The following PRELID2 variants were observed in gnomAD, a reference collection of about 807,000 sequenced individuals.
PRELID2 encodes PRELI domain containing 2, also known as PRELI domain-containing protein 2.
Under a neutral mutation model 28.4 loss-of-function variants are expected in PRELID2, and 25 were observed. That is an observed-to-expected ratio of 0.88 (90% CI 0.64 to 1.23). The LOEUF is 1.23. Ranked by LOEUF, PRELID2 falls within the 50% of genes most tolerant of loss-of-function variation. The probability of loss-of-function intolerance (pLI) is 0.00; values close to 1 mark genes in which losing one functional copy is unlikely to be tolerated. For synonymous variants in PRELID2, 76 were observed against 71.6 expected, an observed-to-expected ratio of 1.06 and a Z score of -0.31; for missense variants, 201 against 214.4, an observed-to-expected ratio of 0.94 and a Z score of 0.39.
chr5:145,632,711 T>A (rs1753949359), intron 1 of PRELID2, among the ~76,000 whole-genome samples: 1 of 152,216 alleles, frequency 6.6e-6, no homozygotes, highest in African/African-American at 2.4e-5. Flanking sequence ...GCATCCTCTA[T>A]AATCATCTCC....
At chr5:145,825,813 T>G (rs1259497845) in intron 1 of PRELID2, among the ~76,000 whole-genome samples, 1 of 152,232 alleles carries the variant, frequency 6.6e-6, no homozygotes, top group African/African-American at 2.4e-5. Flanking sequence ...AAGGCACATA[T>G]TTCAACCTCT....
chr5:145,522,753 GA>G (rs1456765484), intron 1 of PRELID2, among the ~76,000 whole-genome samples: 2 of 126,102 alleles, frequency 1.6e-5, no homozygotes, highest in African/African-American at 5.4e-5. Flanking sequence ...ATCTTTGGAA[GA>G]AAAAGGAGGA....
chr5:145,247,226 T>C, the PRELID2 span, among the ~76,000 whole-genome samples: 1,873 of 152,172 alleles, frequency 0.012, 30 homozygotes, highest in African/African-American at 0.042. Context: ...ACGTGACCAA[T>C]CATCACTCCT....
At chr5:145,384,187 G>A in the PRELID2 span, among the ~76,000 whole-genome samples, 1 of 152,078 alleles carries the variant, frequency 6.6e-6, no homozygotes, top group Middle Eastern at 3.2e-3. Context: ...TGGAAGAACT[G>A]GGCATTTCAT....
downstream of PRELID2, among the ~76,000 whole-genome samples, chr5:145,752,289 T>A (rs968335440): frequency 6.6e-6 from 1 of 152,196 alleles, no homozygotes; most frequent in African/African-American, 2.4e-5. Flanking sequence ...AGAAACAAGT[T>A]ACAATGCTGG....
chr5:145,291,335 C>CACAAAAAAA, the PRELID2 span, among the ~76,000 whole-genome samples: 6 of 57,472 alleles, frequency 1.0e-4, no homozygotes, highest in African/African-American at 6.5e-4. Context: ...GACTCTGTTT[C>CACAAAAAAA]AGAAAAAAAA....
At chr5:145,827,496 C>T (rs562168550) in intron 1 of PRELID2, among the ~76,000 whole-genome samples, 3 of 152,126 alleles carry the variant, frequency 2.0e-5, no homozygotes, top group Admixed American at 6.6e-5. Flanking sequence ...TCTGTGAGGT[C>T]GGGGTGATGA....
At chr5:145,350,465 A>G in the PRELID2 span, among the ~76,000 whole-genome samples, 7 of 152,158 alleles carry the variant, frequency 4.6e-5, no homozygotes, top group African/African-American at 1.7e-4. Flanking sequence ...AGTGAACAGG[A>G]AGATAGCTAG....
chr5:145,737,048 G>A (rs74293334), intron 1 of PRELID2, among the ~76,000 whole-genome samples: 3,965 of 152,148 alleles, frequency 0.026, 87 homozygotes, highest in South Asian at 0.058. Flanking sequence ...GGATACATGG[G>A]AGAGAGGAAG....
chr5:145,258,593 C>T, the PRELID2 span, among the ~76,000 whole-genome samples: 8,586 of 152,150 alleles, frequency 0.056, 439 homozygotes, highest in African/African-American at 0.14. Context: ...GAACAAATTT[C>T]GAAGCAGTAA....
At chr5:145,386,985 C>T in the PRELID2 span, among the ~76,000 whole-genome samples, 1 of 152,130 alleles carries the variant, frequency 6.6e-6, no homozygotes, top group Non-Finnish European at 1.5e-5. Flanking sequence ...GTGATAAGCC[C>T]TCTTCTGTTT....
At chr5:145,697,096 T>C (rs546664618) in intron 1 of PRELID2, among the ~76,000 whole-genome samples, 1,604 of 137,944 alleles carry the variant, frequency 0.012, 72 homozygotes, top group African/African-American at 0.043. Context: ...CACACACATA[T>C]ATATATGTAT....
intron 4 of PRELID2, among the ~76,000 whole-genome samples, chr5:145,798,678 G>T (rs1035243595): frequency 6.6e-6 from 1 of 152,178 alleles, no homozygotes; most frequent in Non-Finnish European, 1.5e-5. Flanking sequence ...ATACACCATG[G>T]AATAGTATGC....
chr5:145,426,483 GTCCAACTATGA>G, the PRELID2 span, among the ~76,000 whole-genome samples: 1 of 152,008 alleles, frequency 6.6e-6, no homozygotes, highest in Admixed American at 6.6e-5. Context: ...CCCCATGAAG[GTCCAACTATGA>G]GGAAGGATCT....
At chr5:145,446,512 C>A in the PRELID2 span, among the ~76,000 whole-genome samples, 3 of 152,070 alleles carry the variant, frequency 2.0e-5, no homozygotes, top group African/African-American at 7.2e-5. Flanking sequence ...AATAAATGTC[C>A]TCATGTGCAA....
chr5:145,379,147 G>A, the PRELID2 span, among the ~76,000 whole-genome samples: 4 of 152,082 alleles, frequency 2.6e-5, no homozygotes, highest in Non-Finnish European at 5.9e-5. Flanking sequence ...ATTTGTACTG[G>A]GTCCCAACTT....
chr5:145,270,504 T>C, the PRELID2 span, among the ~76,000 whole-genome samples: 3 of 152,164 alleles, frequency 2.0e-5, no homozygotes, highest in Non-Finnish European at 4.4e-5. Flanking sequence ...ATCTTATTTA[T>C]ACAATGTTCT....
chr5:145,668,120 A>G (rs1754631839), intron 1 of PRELID2, among the ~76,000 whole-genome samples: 1 of 152,114 alleles, frequency 6.6e-6, no homozygotes, highest in Admixed American at 6.6e-5. Flanking sequence ...TGCACATTCA[A>G]GAAATATCAA....
the PRELID2 span, among the ~76,000 whole-genome samples, chr5:145,345,820 G>A: frequency 7.0e-6 from 1 of 142,792 alleles, no homozygotes; most frequent in Non-Finnish European, 1.5e-5. Context: ...CCACCACCCC[G>A]CACCCCCGCC....
Sources: gnomAD v4.1 joint callset for allele counts (sites outside exome capture counted in the v4.1 genomes callset) on GRCh38, gnomAD v4.1.1 for gene constraint, MANE v1.5 for transcripts, NCBI Gene and HGNC (gene_info 2026-07-23, HGNC 2026-07-21) for gene names.